KIRREL3: variants seen among roughly 807,000 people sequenced by gnomAD.
KIRREL3 encodes the protein kin of IRRE-like protein 3.
In KIRREL3, 36 loss-of-function variants were observed where a neutral mutation model predicts 89.7. The observed-to-expected ratio is 0.40, with a 90% CI of 0.31 to 0.53. The LOEUF (loss-of-function observed/expected upper bound fraction) is 0.53, where lower values mean the gene tolerates loss of function less well. Ranked by LOEUF, KIRREL3 falls within the 20% of genes least tolerant of loss-of-function variation. KIRREL3 has a pLI of 0.49. For missense variants in KIRREL3, 864 were observed against 1,056.6 expected (o/e 0.82, Z 2.53); for synonymous variants, 445 against 441.4 (o/e 1.01, Z -0.10).
In KIRREL3 at chr11:126,570,132, G is replaced by A. The variant is rs943750918; in HGVS notation, c.56-7220C>T. ...TGGACCTCCAGGACGAGTGATAAAT[G>A]TTTAATTAGCCCAATAATACCTGTT... is the stretch of plus-strand genomic sequence containing the variant. On this transcript the variant is annotated intron_variant, in intron 1 of 16. Coordinates refer to ENST00000525144, the MANE Select transcript of KIRREL3 (RefSeq NM_032531.4). The surrounding 1 kb of genome is among the most constrained non-coding windows in gnomAD (Gnocchi z 6.1). Among the ~76,000 whole-genome samples, 1 of 152,142 alleles carries A rather than the reference G, an allele frequency of 6.6e-6. No individual in the cohort carries two copies. Among genetic ancestry groups the A allele is most frequent in the African/African-American group, 2.4e-5 (1 of 41,426 alleles).
intron 1 of KIRREL3, among the ~76,000 whole-genome samples, chr11:126,593,190 C>T (rs1942232585): frequency 6.6e-6 from 1 of 152,212 alleles, no homozygotes; most frequent in African/African-American, 2.4e-5. Context: ...AGACCGTGGG[C>T]CAGGAGGCTC....
intron 1 of KIRREL3, among the ~76,000 whole-genome samples, chr11:126,809,043 C>T (rs1193856037): frequency 7.9e-5 from 12 of 152,154 alleles, no homozygotes; most frequent in Admixed American, 7.2e-4. Flanking sequence ...GGAGCCAGCC[C>T]TTGTGTACAG....
intron 1 of KIRREL3, among the ~76,000 whole-genome samples, chr11:126,810,730 TG>T (rs1052033438): frequency 2.6e-5 from 4 of 152,168 alleles, no homozygotes; most frequent in Non-Finnish European, 4.4e-5. Context: ...GCTTATAAAA[TG>T]GGCATCTGTT....
Position 126,428,578 on chromosome 11 carries a change from T to C in KIRREL3, c.1806+601A>G, listed in dbSNP as rs1955020736. On this transcript the variant is annotated intron_variant, in intron 15 of 16. Transcript: ENST00000525144. The surrounding 1 kb of genome is among the most constrained non-coding windows in gnomAD (Gnocchi z 6.4). ...GATTATATGTTATATAACAACATAT[T>C]GTGGCAATTTATGCATATGTCTTTT... 6.6e-6 allele frequency among the ~76,000 whole-genome samples: 1 copy of C among 152,110 alleles called. No individual in the cohort carries two copies. The highest frequency in any genetic ancestry group is 1.5e-5 in the Non-Finnish European group (1 of 68,032).
rs111961631 is a variant in KIRREL3, at chr11:126,999,753, G to A, written c.55+702C>T. Among the ~76,000 whole-genome samples, 3,396 of 152,272 alleles carry A rather than the reference G, an allele frequency of 0.022. 50 individuals are homozygous for A. Among genetic ancestry groups the A allele is most frequent in the Middle Eastern group, 0.075 (22 of 294 alleles). ...TAGAGGTGGCAAAGTTCTTTCCGGA[G>A]AGTCCACCTGCTTCTCTGCCCCTGC... On this transcript the variant is annotated intron_variant, in intron 1 of 16. Transcript: ENST00000525144. This position sits in a 1 kb window ranked among gnomAD's most constrained non-coding sequence, Gnocchi z 5.7.
chr11:126,949,238 A>G (rs1429307705), intron 1 of KIRREL3, among the ~76,000 whole-genome samples: 1 of 152,200 alleles, frequency 6.6e-6, no homozygotes, highest in Non-Finnish European at 1.5e-5. Context: ...GAAGCAGCGC[A>G]TGAGATCATT....
In KIRREL3 at chr11:126,570,898, T is replaced by A. The variant is rs12285697; in HGVS notation, c.56-7986A>T. 0.047 allele frequency among the ~76,000 whole-genome samples: 7,136 copies of A among 152,314 alleles called. 542 individuals carry two copies. The highest frequency in any genetic ancestry group is 0.16 in the African/African-American group (6,720 of 41,548). ...TCTCAGGTGGGAAAAAAGACAGCAGTCATTTGCTGAGCTGCAAGGGACATT... is the reference window on the plus strand; with the variant it reads ...TCTCAGGTGGGAAAAAAGACAGCAGACATTTGCTGAGCTGCAAGGGACATT... On this transcript the variant is annotated intron_variant, in intron 1 of 16. Coordinates refer to ENST00000525144, the MANE Select transcript of KIRREL3 (RefSeq NM_032531.4). The surrounding 1 kb of genome is among the most constrained non-coding windows in gnomAD (Gnocchi z 6.1).
rs190345822 is a variant in KIRREL3, at chr11:126,865,347, C to T, written c.55+135108G>A. The stretch of plus-strand genomic sequence containing the variant: ...GTAGCTCAGTCTGATGTGCAAGAGG[C>T]GGCTGCTCTGAGTTGAGGCTGCCTG... On this transcript the variant is annotated intron_variant, in intron 1 of 16. Transcript: ENST00000525144. Among the ~76,000 whole-genome samples the T allele has an allele frequency of 1.5e-3, 229 of 152,338 alleles. 1 individual carries two copies. The highest frequency in any genetic ancestry group is 5.0e-3 in the African/African-American group (208 of 41,578).
At position 126,668,359 on chromosome 11, in the gene KIRREL3, CGTAGCCTT is replaced by C. The variant is rs1168290506; in HGVS notation, c.56-105455_56-105448del. Among the ~76,000 whole-genome samples, 1 of 152,144 alleles carries C rather than the reference CGTAGCCTT, an allele frequency of 6.6e-6. No homozygotes were observed. The highest frequency in any genetic ancestry group is 2.4e-5 in the African/African-American group (1 of 41,422). ...TCCCAAAGGCCTCACCTCCTAATAC[CGTAGCCTT>C]GGAGGTGAGAATTTTAGCTTATGAA... On this transcript the variant is annotated intron_variant, in intron 1 of 16. Transcript: ENST00000525144. This position sits in a 1 kb window ranked among gnomAD's most constrained non-coding sequence, Gnocchi z 4.4.
In KIRREL3 at chr11:126,608,143, C is replaced by A. The variant is rs1217800944; in HGVS notation, c.56-45231G>T. On this transcript the variant is annotated intron_variant, in intron 1 of 16. Coordinates refer to ENST00000525144, the MANE Select transcript of KIRREL3 (RefSeq NM_032531.4). This position sits in a 1 kb window ranked among gnomAD's most constrained non-coding sequence, Gnocchi z 4.9. ...CCCAGGTGGAGTCTGAGCTGGGTGC[C>A]AATTCCAGGAATGCAGCTGGAGGTG... Among the ~76,000 whole-genome samples the A allele has an allele frequency of 6.6e-6, 1 of 151,986 alleles. No individual in the cohort carries two copies. Among genetic ancestry groups the A allele is most frequent in the African/African-American group, 2.4e-5 (1 of 41,388 alleles).
intron 1 of KIRREL3, among the ~76,000 whole-genome samples, chr11:126,702,641 A>G (rs1947355156): frequency 6.6e-6 from 1 of 152,234 alleles, no homozygotes; most frequent in African/African-American, 2.4e-5. Context: ...GCTGAATGGA[A>G]AACACTTGCA....
At chr11:126,923,878 A>G (rs990496338) in intron 1 of KIRREL3, among the ~76,000 whole-genome samples, 23 of 152,188 alleles carry the variant, frequency 1.5e-4, no homozygotes, top group African/African-American at 5.6e-4. Flanking sequence ...TAGAGGCTTC[A>G]TAAGTAATTC....
chr11:126,451,057 GTGCATGCA>G (rs1257373558), intron 7 of KIRREL3, among the ~76,000 whole-genome samples: 1 of 135,762 alleles, frequency 7.4e-6, no homozygotes, highest in African/African-American at 2.8e-5. Flanking sequence ...ATGTGCATGT[GTGCATGCA>G]TGTGCATGTG....
At chr11:126,845,264 G>A (rs1944100865) in intron 1 of KIRREL3, among the ~76,000 whole-genome samples, 1 of 152,154 alleles carries the variant, frequency 6.6e-6, no homozygotes, top group Admixed American at 6.5e-5. Context: ...CACTAGGGCT[G>A]CTCAGGGAAA....
In KIRREL3 at chr11:126,431,185, C is replaced by T; in HGVS notation, c.1696+234G>A. Reference sequence around the variant, plus strand: ...TCAATCCAAAATGCTGGCTGCCCTGCAGATGAAGTTCAGTCTAGTCCAGGT... The same window carrying T: ...TCAATCCAAAATGCTGGCTGCCCTGTAGATGAAGTTCAGTCTAGTCCAGGT... On this transcript the variant is annotated intron_variant, in intron 14 of 16. Coordinates refer to ENST00000525144, the MANE Select transcript of KIRREL3 (RefSeq NM_032531.4). This position sits in a 1 kb window ranked among gnomAD's most constrained non-coding sequence, Gnocchi z 7.1. The T allele has an allele frequency of 6.8e-7, 1 of 1,459,906 alleles. No homozygotes were observed. The highest frequency in any genetic ancestry group is 9.1e-7 in the Non-Finnish European group (1 of 1,104,652). The allele number at this position is 1,459,906 out of a possible 1,614,324, so 90.4% of individuals were successfully genotyped here. A position where few individuals can be genotyped will look rare whatever the true frequency, so the allele number is the denominator to read the frequency against.
rs1329831048 is a variant in KIRREL3, at chr11:126,837,748, T to C, written c.55+162707A>G. ...GACAAACTATTGTGATTAAAGGTGA[T>C]TTTGTCAAAGCATAACACTACCTCT... On this transcript the variant is annotated intron_variant, in intron 1 of 16. Transcript: ENST00000525144. This position sits in a 1 kb window ranked among gnomAD's most constrained non-coding sequence, Gnocchi z 4.7. Among the ~76,000 whole-genome samples, 1 of 152,184 alleles carries C rather than the reference T, an allele frequency of 6.6e-6. No homozygotes were observed. Among genetic ancestry groups the C allele is most frequent in the East Asian group, 1.9e-4 (1 of 5,192 alleles).
Position 126,523,253 on chromosome 11 carries a change from G to T in KIRREL3, c.284-1789C>A, listed in dbSNP as rs12291634. ...CGCCTCTCAGGGATGTTGCAGAGGT[G>T]ATTTCTACACCGGGTGAAAGATCAG... is the stretch of plus-strand genomic sequence containing the variant. On this transcript the variant is annotated intron_variant, in intron 3 of 16. Coordinates refer to ENST00000525144, the MANE Select transcript of KIRREL3 (RefSeq NM_032531.4). The surrounding 1 kb of genome is among the most constrained non-coding windows in gnomAD (Gnocchi z 4.9). Among the ~76,000 whole-genome samples the T allele has an allele frequency of 0.027, 4,046 of 152,244 alleles. 207 individuals carry two copies. The highest frequency in any genetic ancestry group is 0.093 in the African/African-American group (3,860 of 41,526).
rs1159623793 is a variant in KIRREL3 at position 126,601,819 on chromosome 11, G to A, written c.56-38907C>T. ...CCATTTCTAGGAGCTCCATTCCCTCGTGCCATCTCCCGTTTTTAAGGACTG... is the reference window on the plus strand; with the variant it reads ...CCATTTCTAGGAGCTCCATTCCCTCATGCCATCTCCCGTTTTTAAGGACTG... On this transcript the variant is annotated intron_variant, in intron 1 of 16. Transcript: ENST00000525144. This position sits in a 1 kb window ranked among gnomAD's most constrained non-coding sequence, Gnocchi z 5.8. Among the ~76,000 whole-genome samples, 8 of 151,970 alleles carry A rather than the reference G, an allele frequency of 5.3e-5. No individual in the cohort carries two copies. Among genetic ancestry groups the A allele is most frequent in the African/African-American group, 1.2e-4 (5 of 41,332 alleles).
intron 1 of KIRREL3, among the ~76,000 whole-genome samples, chr11:126,701,674 G>C (rs1307759009): frequency 6.6e-6 from 1 of 152,114 alleles, no homozygotes; most frequent in Non-Finnish European, 1.5e-5. Context: ...GGAGCGAGGA[G>C]GTCAGAGGGT....
Sources: allele counts gnomAD v4.1 joint callset (sites outside exome capture counted in the v4.1 genomes callset), GRCh38; gene constraint gnomAD v4.1.1; non-coding constraint Gnocchi (gnomAD v3.1); transcripts MANE v1.5; gene names NCBI Gene and HGNC (gene_info 2026-07-23, HGNC 2026-07-21).